The following MTHFD1L variants were observed in gnomAD, a reference collection of about 807,000 sequenced individuals.
MTHFD1L encodes the protein monofunctional C1-tetrahydrofolate synthase, mitochondrial.
A neutral mutation model predicts 119.5 loss-of-function variants in MTHFD1L; 81 were observed. The observed-to-expected ratio is 0.68, with a 90% CI of 0.57 to 0.82. The LOEUF is 0.82. Ranked by LOEUF, MTHFD1L falls within the 40% of genes least tolerant of loss-of-function variation. MTHFD1L has a pLI of 0.00. For missense variants in MTHFD1L, 1,125 were observed against 1,253.4 expected, an observed-to-expected ratio of 0.90 and a Z score of 1.55; for synonymous variants, 430 against 475.2, an observed-to-expected ratio of 0.90 and a Z score of 1.24.
chr6:151,026,819 C>CATT (rs1784658926), intron 24 of MTHFD1L, among the ~76,000 whole-genome samples: 6 of 53,884 alleles, frequency 1.1e-4, no homozygotes, highest in African/African-American at 3.6e-4. Context: ...TCCTTTCTAT[C>CATT]CTTTTTTTTT....
At chr6:151,034,641 T>C (rs1003521938) in intron 25 of MTHFD1L, 41 bp downstream of exon 25, 2 of 1,308,540 alleles carry the variant, frequency 1.5e-6, no homozygotes, top group Non-Finnish European at 2.2e-6. Flanking sequence ...AAATTCACCT[T>C]AGGCTCTCAG....
At chr6:150,874,722 G>T (rs1780116830) in intron 1 of MTHFD1L, among the ~76,000 whole-genome samples, 1 of 152,090 alleles carries the variant, frequency 6.6e-6, no homozygotes, top group African/African-American at 2.4e-5. Context: ...AGCCTCTGCA[G>T]TCACTCATCC....
intron 27 of MTHFD1L, among the ~76,000 whole-genome samples, chr6:151,098,572 C>G (rs1449203123): frequency 6.6e-6 from 1 of 152,156 alleles, no homozygotes; most frequent in African/African-American, 2.4e-5. Context: ...AATTAAATCT[C>G]TCCTATCTAA....
rs377407774 is a variant in MTHFD1L, at chr6:150,959,487, G to A, written c.1804-788G>A. On this transcript the variant is annotated intron_variant, in intron 17 of 27. Transcript: ENST00000367321. ...CATGTTGGACTTCGTACAACGTGGA[G>A]CCACAGCCAAGAGATGGGAATAGGA... is the stretch of plus-strand genomic sequence containing the variant. Among the ~76,000 whole-genome samples the A allele has an allele frequency of 3.9e-5, 6 of 152,330 alleles. No individual in the cohort carries two copies. In the South Asian group the frequency reaches 1.2e-3, roughly 32 times the overall value.
In MTHFD1L at chr6:151,020,211, T is replaced by C. The variant is rs146858752; in HGVS notation, c.2586+4518T>C. Among the ~76,000 whole-genome samples the C allele has an allele frequency of 2.7e-4, 41 of 152,260 alleles. No individual in the cohort carries two copies. The East Asian group carries it at 7.2e-3, about 27-fold the overall frequency. On this transcript the variant is annotated intron_variant, in intron 24 of 27. Coordinates refer to ENST00000367321, the MANE Select transcript of MTHFD1L (RefSeq NM_015440.5). ...TCTTGTGGAAGGAAAACACCGGAGATGATTTAGGGTAATGGGAAATAGTGC... is the reference window on the plus strand; with the variant it reads ...TCTTGTGGAAGGAAAACACCGGAGACGATTTAGGGTAATGGGAAATAGTGC...
At chr6:150,955,836 AT>A (rs938901416) in intron 16 of MTHFD1L, among the ~76,000 whole-genome samples, 158 bp from the exon 17 acceptor site, 1 of 151,716 alleles carries the variant, frequency 6.6e-6, no homozygotes, top group Non-Finnish European at 1.5e-5. Context: ...TGTTTATTTG[AT>A]TCTTTCTCTA....
At chr6:150,897,708 A>G (rs1252899858) in intron 7 of MTHFD1L, among the ~76,000 whole-genome samples, 1 of 152,260 alleles carries the variant, frequency 6.6e-6, no homozygotes, top group East Asian at 1.9e-4. Flanking sequence ...CACAAAGAAC[A>G]GGCAGGAAGC....
chr6:150,886,860 G>T (rs764450461), intron 6 of MTHFD1L, among the ~76,000 whole-genome samples: 98 of 151,568 alleles, frequency 6.5e-4, no homozygotes, highest in Non-Finnish European at 6.8e-4. Context: ...GCCAGGTGTG[G>T]TGACTTGTGC....
intron 1 of MTHFD1L, among the ~76,000 whole-genome samples, chr6:150,871,539 T>C (rs1002283774): frequency 6.9e-6 from 1 of 145,882 alleles, no homozygotes; most frequent in African/African-American, 2.5e-5. Context: ...TCTTGCTCTG[T>C]CGCCCAGGCT....
chr6:151,099,561 C>T (rs1459957128), intron 27 of MTHFD1L: 13 of 1,605,576 alleles, frequency 8.1e-6, no homozygotes, highest in South Asian at 1.1e-5. Flanking sequence ...AGCCCAAGAT[C>T]GTCAAAAAGA....
chr6:150,890,581 A>G (rs1163256696), intron 7 of MTHFD1L, among the ~76,000 whole-genome samples: 1 of 152,178 alleles, frequency 6.6e-6, no homozygotes, highest in East Asian at 1.9e-4. Context: ...GGTGGCAGCT[A>G]TTCGAGTTAT....
At chr6:150,953,295 A>G (rs1341769036) in intron 16 of MTHFD1L, among the ~76,000 whole-genome samples, 2 of 152,180 alleles carry the variant, frequency 1.3e-5, no homozygotes, top group African/African-American at 4.8e-5. Flanking sequence ...CATAGTCAGC[A>G]CTGTAGTATA....
chr6:151,084,360 C>G (rs557817806), intron 26 of MTHFD1L, among the ~76,000 whole-genome samples: 1 of 152,082 alleles, frequency 6.6e-6, no homozygotes, highest in Admixed American at 6.5e-5. Flanking sequence ...GCCTGGCACG[C>G]GTGTCTTCCG....
chr6:151,057,253 G>A (rs1223439949), intron 26 of MTHFD1L: 2 of 984,968 alleles, frequency 2.0e-6, no homozygotes, highest in African/African-American at 1.7e-5. Context: ...ACCTGCTCAT[G>A]TTCTTCGCTG....
intron 1 of MTHFD1L, among the ~76,000 whole-genome samples, chr6:150,867,794 C>CTTTTTTTTTTTTT (rs35396368): frequency 7.8e-5 from 9 of 115,938 alleles, no homozygotes; most frequent in African/African-American, 2.7e-4. Flanking sequence ...CATACATATT[C>CTTTTTTTTTTTTT]TTTTTTTTTT....
chr6:150,874,595 AG>A (rs1362843496), intron 1 of MTHFD1L, among the ~76,000 whole-genome samples: 1 of 152,232 alleles, frequency 6.6e-6, no homozygotes, highest in South Asian at 2.1e-4. Flanking sequence ...AGGTGGTCTT[AG>A]CACTGAAGCC....
At chr6:150,874,364 G>T (rs1456923686) in intron 1 of MTHFD1L, among the ~76,000 whole-genome samples, 3 of 152,300 alleles carry the variant, frequency 2.0e-5, no homozygotes, top group Non-Finnish European at 4.4e-5. Context: ...ACTGGTCCTG[G>T]TTGTGAATCT....
At chr6:151,068,879 C>T (rs528174381) in intron 26 of MTHFD1L, among the ~76,000 whole-genome samples, 6 of 152,250 alleles carry the variant, frequency 3.9e-5, no homozygotes, top group South Asian at 2.1e-4. Context: ...TAGCAGTACT[C>T]GTGCACAGCC....
chr6:151,091,150 T>C (rs1393754104), intron 26 of MTHFD1L, among the ~76,000 whole-genome samples: 1 of 147,260 alleles, frequency 6.8e-6, no homozygotes, highest in East Asian at 2.0e-4. Context: ...CATCGCCCCA[T>C]GTGACTGGGT....
Sources: gnomAD v4.1 joint callset for allele counts (sites outside exome capture counted in the v4.1 genomes callset) on GRCh38, gnomAD v4.1.1 for gene constraint, MANE v1.5 for transcripts, NCBI Gene and HGNC (gene_info 2026-07-23, HGNC 2026-07-21) for gene names.